TATDN1: variants seen among roughly 807,000 people sequenced by gnomAD.
TATDN1 encodes TatD DNase domain containing 1, also known as deoxyribonuclease TATDN1.
Under a neutral mutation model 46.4 loss-of-function variants are expected in TATDN1, and 40 were observed. That is an observed-to-expected ratio of 0.86 (90% CI 0.67 to 1.12). The LOEUF (loss-of-function observed/expected upper bound fraction) is 1.12. TATDN1 is among the 50% of genes most tolerant of loss of function. The probability of loss-of-function intolerance (pLI) is 0.00; values close to 1 mark genes in which losing one functional copy is unlikely to be tolerated. For missense variants in TATDN1, 326 were observed against 348.4 expected, an observed-to-expected ratio of 0.94 and a Z score of 0.51; for synonymous variants, 95 against 105.6, an observed-to-expected ratio of 0.90 and a Z score of 0.62.
chr8:124,529,903 C>T (rs1436954223), intron 1 of TATDN1, among the ~76,000 whole-genome samples: 1 of 151,976 alleles, frequency 6.6e-6, no homozygotes, highest in African/African-American at 2.4e-5. Flanking sequence ...ACCAGCCTGG[C>T]CAACACAGTG....
intron 4 of TATDN1, among the ~76,000 whole-genome samples, chr8:124,516,677 C>T (rs1273290554): frequency 1.3e-5 from 2 of 151,896 alleles, no homozygotes; most frequent in East Asian, 3.9e-4. Flanking sequence ...TTGTTTAACA[C>T]CTATTCCTCC....
chr8:124,516,175 T>C, intron 4 of TATDN1, 145 bp from the exon 5 acceptor site: 2 of 617,024 alleles, frequency 3.2e-6, no homozygotes, highest in Non-Finnish European at 5.0e-6. Context: ...TGCATTATGT[T>C]AATCATATGA....
In TATDN1 at chr8:124,505,536, C is replaced by CAA. The variant is rs199714420; in HGVS notation, c.517-1191_517-1190dup. Reference sequence around the variant, plus strand: ...GGTCAGGAGATCAGCGAAACTGTCTCAAAAAAAAAAAAAAAAGCATAAACC... The same window carrying CAA: ...GGTCAGGAGATCAGCGAAACTGTCTCAAAAAAAAAAAAAAAAAAGCATAAACC... On this transcript the variant is annotated intron_variant, in intron 8 of 11. Coordinates refer to ENST00000276692, the MANE Select transcript of TATDN1 (RefSeq NM_032026.4). Among the ~76,000 whole-genome samples the CAA allele has an allele frequency of 4.6e-3, 347 of 75,344 alleles. 2 individuals are homozygous for CAA. The highest frequency in any genetic ancestry group is 0.014 in the African/African-American group (325 of 23,330). The allele number at this position is 75,344 out of a possible 152,430, so 49.4% of individuals were successfully genotyped here. A position where few individuals can be genotyped will look rare whatever the true frequency, so the allele number is the denominator to read the frequency against.
At chr8:124,528,286 G>T (rs2131550137) in intron 1 of TATDN1, among the ~76,000 whole-genome samples, 1 of 152,152 alleles carries the variant, frequency 6.6e-6, no homozygotes, top group East Asian at 1.9e-4. Flanking sequence ...CCATTCCCCT[G>T]CCTCGGCCTC....
intron 2 of TATDN1, 70 bp from the exon 3 acceptor site, chr8:124,522,270 T>G (rs1473009785): frequency 3.5e-6 from 3 of 869,516 alleles, no homozygotes; most frequent in Admixed American, 2.2e-5. Context: ...TTAGCTTCTG[T>G]GCAAATGGCT....
chr8:124,521,637 G>A (rs1820057636), intron 3 of TATDN1: 1 of 152,340 alleles, frequency 6.6e-6, no homozygotes, highest in South Asian at 2.1e-4. Context: ...GTGTATGTGT[G>A]GGCTAGCTCT....
chr8:124,526,108 AT>A lies in TATDN1; in HGVS notation c.23-3107del, dbSNP rs796282349. The stretch of plus-strand genomic sequence containing the variant: ...CCTATAGTTCAACAATACATAGCCA[AT>A]CACTAACCAATGTTATTTCTGTAAA... On this transcript the variant is annotated intron_variant, in intron 1 of 11. Transcript: ENST00000276692. Among the ~76,000 whole-genome samples, 9 of 152,322 alleles carry A rather than the reference AT, an allele frequency of 5.9e-5. 1 individual carries two copies. The highest frequency in any genetic ancestry group is 2.2e-4 in the African/African-American group (9 of 41,562).
chr8:124,536,271 A>T lies in TATDN1; in HGVS notation c.22+2754T>A, dbSNP rs537894401. Among the ~76,000 whole-genome samples the T allele has an allele frequency of 4.5e-3, 689 of 152,286 alleles. 2 individuals carry two copies. The highest frequency in any genetic ancestry group is 7.5e-3 in the Non-Finnish European group (512 of 68,004). ...TATAAGCTGGGCTAAAGAAATTCTCATGCTGGCCAGTGGCTCCACGTGTAA... is the reference window on the plus strand; with the variant it reads ...TATAAGCTGGGCTAAAGAAATTCTCTTGCTGGCCAGTGGCTCCACGTGTAA... On this transcript the variant is annotated intron_variant, in intron 1 of 11. Coordinates refer to ENST00000276692, the MANE Select transcript of TATDN1 (RefSeq NM_032026.4).
chr8:124,530,726 G>A (rs868322937), intron 1 of TATDN1, among the ~76,000 whole-genome samples: 4 of 152,334 alleles, frequency 2.6e-5, no homozygotes, highest in Middle Eastern at 3.4e-3. Context: ...GCTAAACATC[G>A]AAGTTATCTA....
At chr8:124,532,602 G>T (rs1586683261) in intron 1 of TATDN1, among the ~76,000 whole-genome samples, 1 of 152,250 alleles carries the variant, frequency 6.6e-6, no homozygotes, top group Middle Eastern at 3.4e-3. Context: ...GTTCTTAATA[G>T]GTTGTCCAGA....
At chr8:124,530,841 G>A (rs1457970169) in intron 1 of TATDN1, among the ~76,000 whole-genome samples, 1 of 152,170 alleles carries the variant, frequency 6.6e-6, no homozygotes, top group Non-Finnish European at 1.5e-5. Context: ...CATGAAAGCA[G>A]TTTATGTTGA....
chr8:124,512,638 A>G (rs1303873167), intron 6 of TATDN1, among the ~76,000 whole-genome samples: 1 of 152,258 alleles, frequency 6.6e-6, no homozygotes, highest in Non-Finnish European at 1.5e-5. Flanking sequence ...AGTGCCTACC[A>G]TGTGCTGAGA....
intron 6 of TATDN1, among the ~76,000 whole-genome samples, chr8:124,509,906 C>T (rs1415503346): frequency 6.6e-6 from 1 of 151,822 alleles, no homozygotes; most frequent in Non-Finnish European, 1.5e-5. Flanking sequence ...GGCATGTTGG[C>T]ACATGCCTGT....
In TATDN1 at chr8:124,506,778, A is replaced by C. The variant is rs185673306; in HGVS notation, c.516+1696T>G. Among the ~76,000 whole-genome samples the C allele has an allele frequency of 5.9e-3, 895 of 152,318 alleles. 8 individuals carry two copies. The highest frequency in any genetic ancestry group is 9.3e-3 in the Non-Finnish European group (636 of 68,038). Reference sequence around the variant, plus strand: ...GTTCTTTTGCTAGACACAGTCACTCACTGAGTCACTCTCCTGAAATTGCAT... The same window carrying C: ...GTTCTTTTGCTAGACACAGTCACTCCCTGAGTCACTCTCCTGAAATTGCAT... On this transcript the variant is annotated intron_variant, in intron 8 of 11. Coordinates refer to ENST00000276692, the MANE Select transcript of TATDN1 (RefSeq NM_032026.4).
intron 1 of TATDN1, among the ~76,000 whole-genome samples, chr8:124,535,687 T>C (rs990224457): frequency 3.9e-5 from 6 of 152,242 alleles, no homozygotes; most frequent in African/African-American, 1.4e-4. Context: ...GGAGGAACTG[T>C]ATTAATCTGC....
intron 1 of TATDN1, among the ~76,000 whole-genome samples, chr8:124,525,913 A>T (rs1162205340): frequency 6.6e-6 from 1 of 152,202 alleles, no homozygotes; most frequent in Non-Finnish European, 1.5e-5. Context: ...AGAAACAAAA[A>T]CCTTGGATCT....
At chr8:124,505,996 C>CT (rs1202529479) in intron 8 of TATDN1, among the ~76,000 whole-genome samples, 1 of 152,006 alleles carries the variant, frequency 6.6e-6, no homozygotes, top group African/African-American at 2.4e-5. Context: ...TTTGTTGTTG[C>CT]TTTTGTTAAT....
intron 9 of TATDN1, among the ~76,000 whole-genome samples, chr8:124,499,787 G>A (rs767317779): frequency 2.0e-5 from 3 of 151,236 alleles, no homozygotes; most frequent in East Asian, 1.9e-4. Flanking sequence ...ATTGTGATCC[G>A]CCCACCTCAG....
At chr8:124,497,038 G>A (rs1422162216) in intron 9 of TATDN1, among the ~76,000 whole-genome samples, 1 of 152,072 alleles carries the variant, frequency 6.6e-6, no homozygotes, top group Non-Finnish European at 1.5e-5. Context: ...ATTTCCAGTT[G>A]TCTCAGTGGC....
Sources: gnomAD v4.1 joint callset for allele counts (sites outside exome capture counted in the v4.1 genomes callset) on GRCh38, gnomAD v4.1.1 for gene constraint, MANE v1.5 for transcripts, NCBI Gene and HGNC (gene_info 2026-07-23, HGNC 2026-07-21) for gene names.